The following UBE2E3 variants were observed in gnomAD, a reference collection of about 807,000 sequenced individuals.
The protein encoded by UBE2E3 is ubiquitin conjugating enzyme E2 E3.
Under a neutral mutation model 23.6 loss-of-function variants are expected in UBE2E3, and 5 were observed. The ratio of observed to expected loss-of-function variants is 0.21; its 90% CI spans 0.11 to 0.44. UBE2E3 has a LOEUF of 0.44. Ranked by LOEUF, UBE2E3 falls within the 20% of genes least tolerant of loss-of-function variation. UBE2E3 has a pLI of 0.99. For missense variants in UBE2E3, 81 were observed against 249.8 expected, an observed-to-expected ratio of 0.32 and a Z score of 4.55; for synonymous variants, 78 against 87.5, an observed-to-expected ratio of 0.89 and a Z score of 0.60.
intron 3 of UBE2E3, among the ~76,000 whole-genome samples, chr2:180,999,563 G>T (rs1684932873): frequency 6.6e-6 from 1 of 151,870 alleles, no homozygotes; most frequent in Non-Finnish European, 1.5e-5. Flanking sequence ...GCGTATGAGG[G>T]TTCCAATTTG....
At chr2:180,987,769 G>A (rs192233352) in intron 3 of UBE2E3, among the ~76,000 whole-genome samples, 110 of 152,198 alleles carry the variant, frequency 7.2e-4, no homozygotes, top group African/African-American at 2.3e-3. Context: ...TCTGAGGGTT[G>A]CTACCACTTT....
chr2:181,048,070 C>G (rs959790378), intron 3 of UBE2E3, among the ~76,000 whole-genome samples: 1 of 152,052 alleles, frequency 6.6e-6, no homozygotes, highest in Non-Finnish European at 1.5e-5. Context: ...CTTTCCCAGC[C>G]CTTTCCTTTC....
rs531831508 is a variant in UBE2E3 at position 181,026,870 on chromosome 2, T to C, written c.246-30823T>C. Among the ~76,000 whole-genome samples the C allele has an allele frequency of 5.6e-5, 8 of 141,742 alleles. No individual in the cohort carries two copies. The East Asian group carries it at 1.6e-3, about 28-fold the overall frequency. The allele number at this position is 141,742 out of a possible 152,430, so 93.0% of individuals were successfully genotyped here. On this transcript the variant is annotated intron_variant, in intron 3 of 5. Transcript: ENST00000410062. ...ATTCAGGTCCAACTTTGATTATTGA[T>C]CATATAATATTTTGTGTAATTTCTG...
intron 3 of UBE2E3, among the ~76,000 whole-genome samples, chr2:180,989,610 G>T (rs180857202): frequency 2.4e-4 from 37 of 152,204 alleles, no homozygotes; most frequent in African/African-American, 8.9e-4. Context: ...TCAGTACTCT[G>T]TGTGACTGGA....
intron 3 of UBE2E3, among the ~76,000 whole-genome samples, chr2:181,028,384 G>T (rs541167544): frequency 1.3e-5 from 2 of 152,128 alleles, no homozygotes; most frequent in South Asian, 4.2e-4. Context: ...CTGAACATGT[G>T]TTCTAGTAAT....
At chr2:181,038,872 A>T (rs983490422) in intron 3 of UBE2E3, among the ~76,000 whole-genome samples, 1 of 152,144 alleles carries the variant, frequency 6.6e-6, no homozygotes, top group African/African-American at 2.4e-5. Context: ...ACCACGATGA[A>T]ATACAACTAC....
At chr2:181,019,887 A>G (rs575685436) in intron 3 of UBE2E3, among the ~76,000 whole-genome samples, 1 of 152,140 alleles carries the variant, frequency 6.6e-6, no homozygotes, top group Non-Finnish European at 1.5e-5. Flanking sequence ...GCAAATATCA[A>G]GTGTATGATA....
intron 3 of UBE2E3, among the ~76,000 whole-genome samples, chr2:180,999,357 T>G (rs1256137794): frequency 1.2e-4 from 18 of 152,322 alleles, no homozygotes; most frequent in South Asian, 2.1e-4. Flanking sequence ...CTTTTGGTTG[T>G]TTCCACCTTT....
At chr2:181,012,240 A>T (rs917021577) in intron 3 of UBE2E3, among the ~76,000 whole-genome samples, 1 of 152,222 alleles carries the variant, frequency 6.6e-6, no homozygotes, top group Non-Finnish European at 1.5e-5. Context: ...ATGTACATGT[A>T]TAACAAAGTA....
At chr2:181,044,304 A>G (rs990855275) in intron 3 of UBE2E3, among the ~76,000 whole-genome samples, 1 of 152,166 alleles carries the variant, frequency 6.6e-6, no homozygotes, top group Non-Finnish European at 1.5e-5. Context: ...TACAACTAAA[A>G]ATTTAGAAAC....
intron 4 of UBE2E3, among the ~76,000 whole-genome samples, chr2:181,058,273 C>T (rs1197098815): frequency 2.0e-5 from 3 of 151,592 alleles, no homozygotes; most frequent in Non-Finnish European, 4.4e-5. Context: ...ACTTCATAGC[C>T]AAGAAGAGGG....
At position 181,061,344 on chromosome 2, in the gene UBE2E3, C is replaced by T. The variant is rs1687144878; in HGVS notation, c.526+532C>T. On this transcript the variant is annotated intron_variant, in intron 5 of 5. Coordinates refer to ENST00000410062, the MANE Select transcript of UBE2E3 (RefSeq NM_006357.4). ...TTCACCTTGTTAGCCAGGATGGTCT[C>T]GATCTCTTGACCTCATGATCCACCC... Among the ~76,000 whole-genome samples, 2 of 10,680 alleles carry T rather than the reference C, an allele frequency of 1.9e-4. 1 individual carries two copies. The highest frequency in any genetic ancestry group is 2.1e-3 in the Admixed American group (2 of 936). 7.0% of individuals were successfully genotyped at this position (10,680 alleles called of 152,430 possible).
intron 3 of UBE2E3, among the ~76,000 whole-genome samples, chr2:180,984,835 T>C (rs1559110366): frequency 6.6e-6 from 1 of 152,138 alleles, no homozygotes; most frequent in African/African-American, 2.4e-5. Context: ...ATTTTTTTCA[T>C]TTCATTTGTA....
At chr2:180,989,871 T>C in intron 3 of UBE2E3, 1 of 1,543,082 alleles carries the variant, frequency 6.5e-7, no homozygotes, top group South Asian at 1.2e-5. Context: ...ATGGATATGT[T>C]TACTTTTCAG....
In UBE2E3 at chr2:180,982,185, A is replaced by G. The variant is rs1390047884; in HGVS notation, c.143A>G (p.Asn48Ser). 4.3e-6 allele frequency: 7 copies of G among 1,612,024 alleles called. No homozygotes were observed. The East Asian group carries it at 1.3e-4, about 31-fold the overall frequency. ...RKPSATQQKK[N>S]TKLSSKTTAK... is the part of the protein sequence containing the mutation. ...CCTTCTGCCACCCAGCAGAAGAAAA[A>G]CACCAAACTCTCTAGCAAAACCACT... Residue 48 changes from asparagine (N) to serine (S), a missense_variant, in exon 2 of 6, where the codon AAC (asparagine) becomes AGC (serine). Transcript: ENST00000410062.
At chr2:181,005,296 C>T in intron 3 of UBE2E3, among the ~76,000 whole-genome samples, 1 of 152,286 alleles carries the variant, frequency 6.6e-6, no homozygotes, top group African/African-American at 2.4e-5. Context: ...GATTGAGATG[C>T]AGTGTGAAAT....
chr2:181,017,322 T>C (rs948697962), intron 3 of UBE2E3, among the ~76,000 whole-genome samples: 1 of 152,130 alleles, frequency 6.6e-6, no homozygotes, highest in Admixed American at 6.5e-5. Flanking sequence ...GGGACGAGTT[T>C]AGAGCAGAAC....
At chr2:181,049,417 T>G (rs1486267739) in intron 3 of UBE2E3, among the ~76,000 whole-genome samples, 1 of 152,102 alleles carries the variant, frequency 6.6e-6, no homozygotes, top group Non-Finnish European at 1.5e-5. Flanking sequence ...TTTTTTAAAT[T>G]ATTTCACCTT....
chr2:181,033,460 G>A (rs1324446887), intron 3 of UBE2E3, among the ~76,000 whole-genome samples: 2 of 152,192 alleles, frequency 1.3e-5, no homozygotes, highest in Admixed American at 6.5e-5. Flanking sequence ...ATGGTGCTGG[G>A]AAAAGTGGCT....
Sources: allele counts gnomAD v4.1 joint callset (sites outside exome capture counted in the v4.1 genomes callset), GRCh38; gene constraint gnomAD v4.1.1; transcripts MANE v1.5; gene names NCBI Gene and HGNC (gene_info 2026-07-23, HGNC 2026-07-21).